Variants in TAFA5 observed in about 807,000 individuals in gnomAD.
The protein encoded by TAFA5 is chemokine-like protein TAFA-5.
Under a neutral mutation model 15.3 loss-of-function variants are expected in TAFA5, and 6 were observed. That is an observed-to-expected ratio of 0.39 (90% CI 0.21 to 0.77). The LOEUF (loss-of-function observed/expected upper bound fraction) is 0.77, where lower values mean the gene tolerates loss of function less well. Among genes scored for constraint, TAFA5 ranks in the 30% least tolerant of loss-of-function variants. TAFA5 has a pLI of 0.41. For missense variants in TAFA5, 161 were observed against 193.1 expected (o/e 0.83, Z 0.98); for synonymous variants, 103 against 80.7 (o/e 1.28, Z -1.48).
At chr22:48,569,773 CTGGTGAGGCCCA>C (rs1294233940) in intron 1 of TAFA5, among the ~76,000 whole-genome samples, 1 of 152,240 alleles carries the variant, frequency 6.6e-6, no homozygotes, top group Non-Finnish European at 1.5e-5. Flanking sequence ...GTTCCGGGTA[CTGGTGAGGCCCA>C]TGGCTGCCTT....
chr22:48,706,849 G>A (rs1013079526), intron 2 of TAFA5, among the ~76,000 whole-genome samples: 2 of 152,234 alleles, frequency 1.3e-5, no homozygotes, highest in African/African-American at 2.4e-5. Context: ...AATACAATCA[G>A]CTTTTACTCC....
intron 3 of TAFA5, among the ~76,000 whole-genome samples, chr22:48,740,201 C>G (rs1313292270): frequency 6.6e-6 from 1 of 152,190 alleles, no homozygotes; most frequent in Non-Finnish European, 1.5e-5. Flanking sequence ...ACTTTGCTAA[C>G]TAGGAGCCCC....
intron 2 of TAFA5, among the ~76,000 whole-genome samples, chr22:48,662,214 TGGC>T (rs1927465457): frequency 6.6e-6 from 1 of 151,804 alleles, no homozygotes; most frequent in South Asian, 2.1e-4. Context: ...CACAGGAACA[TGGC>T]GGGAGCACAA....
rs570621254 is a variant in TAFA5 at position 48,534,721 on chromosome 22, G to A, written c.112+45017G>A. ...CGCCCCCTCCACTGTCCTTTACCCT[G>A]GAACGGGGGGAGGGGGAGGCCCGGC... is the stretch of plus-strand genomic sequence containing the variant. On this transcript the variant is annotated intron_variant, in intron 1 of 3. Coordinates refer to ENST00000402357, the MANE Select transcript of TAFA5 (RefSeq NM_001082967.3). Among the ~76,000 whole-genome samples, 6 of 152,324 alleles carry A rather than the reference G, an allele frequency of 3.9e-5. No homozygotes were observed. In the South Asian group the frequency reaches 1.2e-3, roughly 32 times the overall value.
At chr22:48,586,189 G>C (rs560937557) in intron 1 of TAFA5, among the ~76,000 whole-genome samples, 1 of 152,390 alleles carries the variant, frequency 6.6e-6, no homozygotes, top group South Asian at 2.1e-4. Flanking sequence ...GGAGGGTGCA[G>C]ATCCCAGAGG....
At chr22:48,495,953 C>G (rs1017959750) in intron 1 of TAFA5, among the ~76,000 whole-genome samples, 4 of 152,214 alleles carry the variant, frequency 2.6e-5, no homozygotes, top group African/African-American at 9.6e-5. Context: ...AGAAGCTTCC[C>G]AGGAAGCTGC....
chr22:48,678,924 C>A, intron 2 of TAFA5, among the ~76,000 whole-genome samples: 1 of 152,178 alleles, frequency 6.6e-6, no homozygotes, highest in Non-Finnish European at 1.5e-5. Flanking sequence ...GGCTCCCCAG[C>A]TCCCCGTCCA....
chr22:48,536,513 G>C (rs986980536), intron 1 of TAFA5, among the ~76,000 whole-genome samples: 1 of 152,226 alleles, frequency 6.6e-6, no homozygotes, highest in Non-Finnish European at 1.5e-5. Context: ...CGTGGCTGAC[G>C]AGTTGTCAGG....
intron 1 of TAFA5, among the ~76,000 whole-genome samples, chr22:48,637,699 C>T (rs990647155): frequency 5.3e-5 from 8 of 152,112 alleles, no homozygotes; most frequent in South Asian, 2.1e-4. Context: ...TGTGTGTGCA[C>T]GTGTGGGGCA....
chr22:48,548,910 G>C (rs751254069), intron 1 of TAFA5, among the ~76,000 whole-genome samples: 40 of 152,222 alleles, frequency 2.6e-4, no homozygotes, highest in Non-Finnish European at 5.3e-4. Flanking sequence ...TGGTTTCACT[G>C]AACTCATTGT....
rs910644772 is a variant in TAFA5, at chr22:48,490,460, G to A, written c.112+756G>A. On this transcript the variant is annotated intron_variant, in intron 1 of 3. Transcript: ENST00000402357. This position sits in a 1 kb window ranked among gnomAD's most constrained non-coding sequence, Gnocchi z 5.8. ...CTCCCTGTTGCCTGGAGTGAAGGGT[G>A]GGGGGTGGCCTGTGCCCCTGCCGAG... Among the ~76,000 whole-genome samples the A allele has an allele frequency of 1.3e-5, 2 of 151,884 alleles. No individual in the cohort carries two copies. Among genetic ancestry groups the A allele is most frequent in the Non-Finnish European group, 2.9e-5 (2 of 67,942 alleles).
At chr22:48,724,877 A>G (rs1929671228) in intron 3 of TAFA5, among the ~76,000 whole-genome samples, 1 of 152,210 alleles carries the variant, frequency 6.6e-6, no homozygotes, top group African/African-American at 2.4e-5. Context: ...AGCCTGCGGC[A>G]TGGCAGGGAG....
At chr22:48,492,870 T>C (rs1928204510) in intron 1 of TAFA5, among the ~76,000 whole-genome samples, 1 of 152,216 alleles carries the variant, frequency 6.6e-6, no homozygotes, top group Non-Finnish European at 1.5e-5. Flanking sequence ...GAAACCTCTC[T>C]GGGTGTGGCT....
In TAFA5 at chr22:48,709,735, A is replaced by G. The variant is rs551074439; in HGVS notation, c.390+1891A>G. Among the ~76,000 whole-genome samples the G allele has an allele frequency of 3.3e-5, 5 of 152,312 alleles. No homozygotes were observed. The East Asian group carries it at 9.7e-4, about 29-fold the overall frequency. On this transcript the variant is annotated intron_variant, in intron 3 of 3. Transcript: ENST00000402357. Reference sequence around the variant, plus strand: ...ATGCACCTCTGTGAGAGGACTGCTCAGTTCACCGGGGTGGGAAGTCAGGGA... The same window carrying G: ...ATGCACCTCTGTGAGAGGACTGCTCGGTTCACCGGGGTGGGAAGTCAGGGA...
chr22:48,654,822 G>T (rs546213574), intron 2 of TAFA5, among the ~76,000 whole-genome samples: 1 of 152,214 alleles, frequency 6.6e-6, no homozygotes, highest in East Asian at 1.9e-4. Flanking sequence ...CAGGCAGAAG[G>T]CCCCTGATGG....
chr22:48,517,246 A>C (rs1486409461), intron 1 of TAFA5, among the ~76,000 whole-genome samples: 1 of 152,008 alleles, frequency 6.6e-6, no homozygotes, highest in African/African-American at 2.4e-5. Context: ...AGGGAAGCCA[A>C]AGCAACTGCT....
At chr22:48,582,228 C>CA (rs1350531640) in intron 1 of TAFA5, among the ~76,000 whole-genome samples, 1 of 151,906 alleles carries the variant, frequency 6.6e-6, no homozygotes, top group East Asian at 1.9e-4. Flanking sequence ...CCACACCACA[C>CA]AAAAAACACA....
At chr22:48,591,571 C>T (rs961302660) in intron 1 of TAFA5, among the ~76,000 whole-genome samples, 2 of 152,242 alleles carry the variant, frequency 1.3e-5, no homozygotes, top group Non-Finnish European at 2.9e-5. Context: ...GGAGTGGGCA[C>T]TGACCGGGGG....
intron 2 of TAFA5, among the ~76,000 whole-genome samples, chr22:48,677,110 C>G (rs57668357): frequency 6.6e-6 from 1 of 152,262 alleles, no homozygotes; most frequent in Non-Finnish European, 1.5e-5. Context: ...TTATCTTGGA[C>G]ATTCTCTCCT....
Sources: allele counts gnomAD v4.1 joint callset (sites outside exome capture counted in the v4.1 genomes callset), GRCh38; gene constraint gnomAD v4.1.1; non-coding constraint Gnocchi (gnomAD v3.1); transcripts MANE v1.5; gene names NCBI Gene and HGNC (gene_info 2026-07-23, HGNC 2026-07-21).